Variants in FOXK1 observed in about 807,000 individuals in gnomAD.
FOXK1 encodes the protein forkhead box protein K1.
A neutral mutation model predicts 51.9 loss-of-function variants in FOXK1; 19 were observed. The ratio of observed to expected loss-of-function variants is 0.37; its 90% CI spans 0.26 to 0.54. FOXK1 has a LOEUF of 0.54. Ranked by LOEUF, FOXK1 falls within the 20% of genes least tolerant of loss-of-function variation. The probability of loss-of-function intolerance (pLI) is 0.87; values close to 1 mark genes in which losing one functional copy is unlikely to be tolerated. For missense variants in FOXK1, 870 were observed against 1,032.7 expected, an observed-to-expected ratio of 0.84 and a Z score of 2.16; for synonymous variants, 537 against 482.6, an observed-to-expected ratio of 1.11 and a Z score of -1.48.
rs1347512635 is a variant in FOXK1 at position 4,756,513 on chromosome 7, C to A, written c.1051-481C>A. Reference sequence around the variant, plus strand: ...AAAGAATGGTAATGGCAGCCAGGCACAGTAGCTCATGCCTGTAATCCCAGC... The same window carrying A: ...AAAGAATGGTAATGGCAGCCAGGCAAAGTAGCTCATGCCTGTAATCCCAGC... On this transcript the variant is annotated intron_variant, in intron 4 of 8. Transcript: ENST00000328914. This position sits in a 1 kb window ranked among gnomAD's most constrained non-coding sequence, Gnocchi z 4.1. 6.6e-6 allele frequency among the ~76,000 whole-genome samples: 1 copy of A among 151,750 alleles called. No homozygotes were observed. The highest frequency in any genetic ancestry group is 2.1e-4 in the South Asian group (1 of 4,808).
At chr7:4,685,181 G>C (rs1779802899) in intron 1 of FOXK1, among the ~76,000 whole-genome samples, 1 of 148,706 alleles carries the variant, frequency 6.7e-6, no homozygotes, top group Non-Finnish European at 1.5e-5. Context: ...AAAACATTAA[G>C]TGGATGTCCA....
intron 2 of FOXK1, among the ~76,000 whole-genome samples, chr7:4,744,377 G>A (rs1056714024): frequency 9.2e-5 from 14 of 152,120 alleles, no homozygotes; most frequent in Non-Finnish European, 8.8e-5. Flanking sequence ...CGCGTACCCC[G>A]TAGGTCATCT....
rs1039765596 is a variant in FOXK1, at chr7:4,731,584, A to T, written c.561-9254A>T. On this transcript the variant is annotated intron_variant, in intron 1 of 8. Coordinates refer to ENST00000328914, the MANE Select transcript of FOXK1 (RefSeq NM_001037165.2). The surrounding 1 kb of genome is among the most constrained non-coding windows in gnomAD (Gnocchi z 5.3). ...AGACCAGCCTGGCCAACATGGTGAA[A>T]CCCCATCTCTACTAAAAATACAAAA... is the stretch of plus-strand genomic sequence containing the variant. Among the ~76,000 whole-genome samples the T allele has an allele frequency of 6.6e-6, 1 of 152,014 alleles. No individual in the cohort carries two copies. The highest frequency in any genetic ancestry group is 1.5e-5 in the Non-Finnish European group (1 of 67,992).
chr7:4,697,506 A>G (rs1298983612), intron 1 of FOXK1, among the ~76,000 whole-genome samples: 1 of 152,142 alleles, frequency 6.6e-6, no homozygotes, highest in Admixed American at 6.6e-5. Flanking sequence ...TGGACCCCAG[A>G]GCCTGTGTTA....
At chr7:4,695,925 A>C (rs1269679510) in intron 1 of FOXK1, among the ~76,000 whole-genome samples, 1 of 148,496 alleles carries the variant, frequency 6.7e-6, no homozygotes. Flanking sequence ...AACAAGAGCG[A>C]AACTCCGTCT....
At chr7:4,689,298 C>A (rs988598747) in intron 1 of FOXK1, among the ~76,000 whole-genome samples, 1 of 152,120 alleles carries the variant, frequency 6.6e-6, no homozygotes, top group African/African-American at 2.4e-5. Flanking sequence ...TTTTGTGGTT[C>A]ATTTTGGCTG....
intron 2 of FOXK1, among the ~76,000 whole-genome samples, chr7:4,752,927 T>C (rs1780798197): frequency 6.6e-6 from 1 of 152,232 alleles, no homozygotes; most frequent in Admixed American, 6.5e-5. Flanking sequence ...CCCCTTCTCA[T>C]CTTACTTGTA....
intron 1 of FOXK1, among the ~76,000 whole-genome samples, chr7:4,705,950 ATATATATATG>A (rs1213316542): frequency 7.7e-6 from 1 of 129,608 alleles, no homozygotes; most frequent in African/African-American, 3.8e-5. Context: ...TCAAAATTAT[ATATATATATG>A]TATATATATA....
Position 4,759,162 on chromosome 7 carries a change from G to A in FOXK1, c.1356G>A (p.Glu452=), listed in dbSNP as rs559758720. The A allele has an allele frequency of 1.2e-6, 2 of 1,612,130 alleles. No individual in the cohort carries two copies. The highest frequency in any genetic ancestry group is 1.7e-6 in the Non-Finnish European group (2 of 1,179,562). The change falls in exon 6 of 9, where the codon GAG becomes GAA. Residue 452 remains glutamate, a synonymous_variant. Transcript: ENST00000328914. ...GCTCCCCCATTCCACACGACCCTGA[G>A]TTTGGGTCCAAGTTAGCTTCTGTCC... ...REGSPIPHDP[E]FGSKLASVPE...
rs1780047419 is a variant in FOXK1 at position 4,703,636 on chromosome 7, C to G, written c.560+20768C>G. On this transcript the variant is annotated intron_variant, in intron 1 of 8. Transcript: ENST00000328914. The surrounding 1 kb of genome is among the most constrained non-coding windows in gnomAD (Gnocchi z 5.6). ...TTTTTATATCTGGCAAAACTAAAAG[C>G]TTGAATATTAAAACCAAATGATCCC... 6.6e-6 allele frequency among the ~76,000 whole-genome samples: 1 copy of G among 152,174 alleles called. No individual in the cohort carries two copies. Among genetic ancestry groups the G allele is most frequent in the Non-Finnish European group, 1.5e-5 (1 of 68,026 alleles).
rs991859440 is a variant in FOXK1 at position 4,770,363 on chromosome 7, C to G, written c.*7899C>G. 2 of 152,140 alleles carry G rather than the reference C, an allele frequency of 1.3e-5. No individual in the cohort carries two copies. The highest frequency in any genetic ancestry group is 2.9e-5 in the Non-Finnish European group (2 of 68,046). 9.4% of individuals were successfully genotyped at this position (152,140 alleles called of 1,614,324 possible). A position where few individuals can be genotyped will look rare whatever the true frequency, so the allele number is the denominator to read the frequency against. ...TGACCAACATGGTGAAATCCTGTCT[C>G]TACTAAAAATACAAAAAATTAGCCA... On this transcript the variant is annotated 3_prime_UTR_variant, in exon 9 of 9. Transcript: ENST00000328914.
At chr7:4,693,994 C>A (rs1779923176) in intron 1 of FOXK1, among the ~76,000 whole-genome samples, 1 of 152,168 alleles carries the variant, frequency 6.6e-6, no homozygotes, top group Non-Finnish European at 1.5e-5. Context: ...GATCCTCCTG[C>A]CTCAGCCTTC....
Position 4,754,627 on chromosome 7 carries a change from C to T in FOXK1, c.903+12C>T, listed in dbSNP as rs1230612483. 7 of 1,599,490 alleles carry T rather than the reference C, an allele frequency of 4.4e-6. No individual in the cohort carries two copies. Among genetic ancestry groups the T allele is most frequent in the Non-Finnish European group, 5.9e-6 (7 of 1,178,766 alleles). ...GAGACAGCCCCAAGGTCTGAGCCCACCTGGCGCCGTGGTGCACCTGGTGAC... is the reference window on the plus strand; with the variant it reads ...GAGACAGCCCCAAGGTCTGAGCCCATCTGGCGCCGTGGTGCACCTGGTGAC... On this transcript the variant is annotated intron_variant, in intron 3 of 8. Transcript: ENST00000328914.
chr7:4,695,865 G>A (rs1449661887), intron 1 of FOXK1, among the ~76,000 whole-genome samples: 3 of 152,052 alleles, frequency 2.0e-5, no homozygotes, highest in African/African-American at 7.3e-5. Context: ...GAATCCAGGA[G>A]GGAGAGATTG....
chr7:4,682,461 G>A lies in FOXK1; in HGVS notation c.153G>A (p.Gly51=), dbSNP rs1359678731. 24 of 981,494 alleles carry A rather than the reference G, an allele frequency of 2.4e-5. No homozygotes were observed. Among genetic ancestry groups the A allele is most frequent in the Non-Finnish European group, 2.8e-5 (23 of 828,800 alleles). The allele number at this position is 981,494 out of a possible 1,614,324, so 60.8% of individuals were successfully genotyped here. ...CCGCGCAGCCCCAGCCTCCGCCCGG[G>A]CCGCCGCCGCCGCCGCCACCGCCGC... ...PAPAQPQPPP[G]PPPPPPPPLP... Residue 51 remains glycine, a synonymous_variant, in exon 1 of 9, where the codon GGG becomes GGA. Transcript: ENST00000328914. This position sits in a 1 kb window ranked among gnomAD's most constrained non-coding sequence, Gnocchi z 7.6.
intron 1 of FOXK1, among the ~76,000 whole-genome samples, chr7:4,688,379 T>TTTTTC (rs199911705): frequency 6.6e-6 from 1 of 151,900 alleles, no homozygotes; most frequent in Non-Finnish European, 1.5e-5. Flanking sequence ...GCATGGTTGT[T>TTTTTC]TTTTCTTTTC....
Position 4,707,477 on chromosome 7 carries a change from G to A in FOXK1, c.560+24609G>A, listed in dbSNP as rs1165920220. Among the ~76,000 whole-genome samples the A allele has an allele frequency of 6.6e-6, 1 of 152,146 alleles. No individual in the cohort carries two copies. The highest frequency in any genetic ancestry group is 2.4e-5 in the African/African-American group (1 of 41,430). ...ACTTTATGACCCAGTTTCCCCAAAT[G>A]GATAATTTCGCCTTGGTAGTGTTAA... On this transcript the variant is annotated intron_variant, in intron 1 of 8. Coordinates refer to ENST00000328914, the MANE Select transcript of FOXK1 (RefSeq NM_001037165.2). This position sits in a 1 kb window ranked among gnomAD's most constrained non-coding sequence, Gnocchi z 4.1.
At chr7:4,689,974 T>C (rs1779871580) in intron 1 of FOXK1, among the ~76,000 whole-genome samples, 2 of 152,196 alleles carry the variant, frequency 1.3e-5, no homozygotes, top group Admixed American at 1.3e-4. Flanking sequence ...TCAGTCTCTT[T>C]CCAGCGAGTA....
chr7:4,732,497 T>C (rs375297061), intron 1 of FOXK1, among the ~76,000 whole-genome samples: 8 of 152,308 alleles, frequency 5.3e-5, no homozygotes, highest in Middle Eastern at 3.4e-3. Context: ...TCTCACTGTG[T>C]TGCCCAGGCT....
Sources: gnomAD v4.1 joint callset for allele counts (sites outside exome capture counted in the v4.1 genomes callset) on GRCh38, gnomAD v4.1.1 for gene constraint, Gnocchi (gnomAD v3.1) non-coding constraint, MANE v1.5 for transcripts, NCBI Gene and HGNC (gene_info 2026-07-23, HGNC 2026-07-21) for gene names.